The following DPP6 variants were observed in gnomAD, a reference collection of about 807,000 sequenced individuals.
DPP6 encodes the protein A-type potassium channel modulatory protein DPP6.
DPP6 carries 69 observed loss-of-function variants against 122.6 expected under a neutral mutation model. The observed-to-expected ratio is 0.56, with a 90% CI of 0.46 to 0.69. The LOEUF (loss-of-function observed/expected upper bound fraction) is 0.69, where lower values mean the gene tolerates loss of function less well. Ranked by LOEUF, DPP6 falls within the 30% of genes least tolerant of loss-of-function variation. DPP6 has a pLI of 0.00. For missense variants in DPP6, 928 were observed against 1,116.9 expected (o/e 0.83, Z 2.41); for synonymous variants, 418 against 433.1 (o/e 0.97, Z 0.43).
chr7:154,499,490 G>C (rs1474625971), intron 3 of DPP6, among the ~76,000 whole-genome samples: 4 of 152,178 alleles, frequency 2.6e-5, no homozygotes, highest in African/African-American at 9.7e-5. Context: ...TAAGTCTTGA[G>C]ATGGAGCAGC....
intron 1 of DPP6, among the ~76,000 whole-genome samples, chr7:153,894,412 T>C (rs1361281494): frequency 6.6e-6 from 1 of 152,090 alleles, no homozygotes; most frequent in Non-Finnish European, 1.5e-5. Context: ...CATACTAAGC[T>C]CAGAACAGAC....
intron 1 of DPP6, among the ~76,000 whole-genome samples, chr7:154,264,318 G>A (rs1002227311): frequency 6.6e-6 from 1 of 152,230 alleles, no homozygotes; most frequent in African/African-American, 2.4e-5. Flanking sequence ...ATATTTCATG[G>A]TAGGACAGAG....
chr7:154,817,920 G>T (rs1203002896), intron 16 of DPP6, among the ~76,000 whole-genome samples: 2 of 152,122 alleles, frequency 1.3e-5, no homozygotes, highest in Admixed American at 1.3e-4. Context: ...CAGTCATGGG[G>T]GAGCAGGTGG....
At chr7:154,211,029 T>A (rs1799712712) in intron 1 of DPP6, among the ~76,000 whole-genome samples, 1 of 152,176 alleles carries the variant, frequency 6.6e-6, no homozygotes, top group Non-Finnish European at 1.5e-5. Flanking sequence ...GCTAAACTGT[T>A]GCCCAAACTG....
At chr7:154,145,475 G>A (rs1414787695) in intron 1 of DPP6, among the ~76,000 whole-genome samples, 2 of 152,298 alleles carry the variant, frequency 1.3e-5, no homozygotes, top group African/African-American at 4.8e-5. Context: ...CTGTGAGTCC[G>A]TTTAAGCTGA....
intron 1 of DPP6, among the ~76,000 whole-genome samples, chr7:154,028,213 G>T (rs1479826298): frequency 1.3e-5 from 2 of 152,168 alleles, no homozygotes; most frequent in East Asian, 1.9e-4. Flanking sequence ...CTCTCTGATA[G>T]AATTTAATTT....
intron 1 of DPP6, among the ~76,000 whole-genome samples, chr7:154,124,202 A>C (rs1298466778): frequency 6.6e-6 from 1 of 152,214 alleles, no homozygotes; most frequent in Non-Finnish European, 1.5e-5. Flanking sequence ...TGCTATCATC[A>C]TGAAGAAATA....
chr7:153,873,721 G>A, the DPP6 span, among the ~76,000 whole-genome samples: 1 of 152,214 alleles, frequency 6.6e-6, no homozygotes, highest in Non-Finnish European at 1.5e-5. Context: ...ATGGAAGACT[G>A]CTGTTACAGA....
At chr7:153,928,237 A>T (rs1310201553) in intron 1 of DPP6, among the ~76,000 whole-genome samples, 2 of 144,648 alleles carry the variant, frequency 1.4e-5, no homozygotes, top group African/African-American at 5.1e-5. Flanking sequence ...TTTGAGATGG[A>T]GTTTCATGCT....
At chr7:154,251,495 G>A (rs933284941) in intron 1 of DPP6, among the ~76,000 whole-genome samples, 1 of 152,180 alleles carries the variant, frequency 6.6e-6, no homozygotes, top group Admixed American at 6.5e-5. Context: ...ATAAAAGGGA[G>A]TTAATTAAGG....
chr7:154,313,944 T>G (rs1049447784), intron 1 of DPP6, among the ~76,000 whole-genome samples: 5 of 151,480 alleles, frequency 3.3e-5, no homozygotes, highest in African/African-American at 7.3e-5. Flanking sequence ...AAGAAGAGAT[T>G]AACCAATAAG....
At chr7:153,966,687 TTTTAAGGATGTGAGAC>T (rs1420479288) in intron 1 of DPP6, among the ~76,000 whole-genome samples, 6 of 151,914 alleles carry the variant, frequency 3.9e-5, no homozygotes, top group African/African-American at 1.5e-4. Flanking sequence ...TGTGTTGGCT[TTTTAAGGATGTGAGAC>T]TTGTAAAAAC....
At chr7:153,994,626 A>G (rs73729254) in intron 1 of DPP6, among the ~76,000 whole-genome samples, 3,009 of 152,288 alleles carry the variant, frequency 0.02, 105 homozygotes, top group African/African-American at 0.069. Context: ...CATTTCAAGT[A>G]AGTCAGTGAT....
At position 154,363,851 on chromosome 7, in the gene DPP6, T is replaced by C. The variant is rs17174369; in HGVS notation, c.244-82363T>C. 1.1e-3 allele frequency among the ~76,000 whole-genome samples: 165 copies of C among 152,354 alleles called. 1 individual carries two copies. The highest frequency in any genetic ancestry group is 3.8e-3 in the African/African-American group (159 of 41,580). Reference sequence around the variant, plus strand: ...TTTTCATCTGTTACATGTTTTAAACTGTAGCCATCTGTGTCTGAAACATTT... The same window carrying C: ...TTTTCATCTGTTACATGTTTTAAACCGTAGCCATCTGTGTCTGAAACATTT... On this transcript the variant is annotated intron_variant, in intron 1 of 25. Transcript: ENST00000377770.
At chr7:154,044,833 G>A (rs1290410381) in intron 1 of DPP6, among the ~76,000 whole-genome samples, 2 of 152,046 alleles carry the variant, frequency 1.3e-5, no homozygotes, top group Non-Finnish European at 2.9e-5. Flanking sequence ...TTATTGCATT[G>A]AAAAAGCAAT....
At position 154,885,431 on chromosome 7, in the gene DPP6, C is replaced by T. The variant is rs987265626; in HGVS notation, c.2134-202C>T. 3.7e-5 allele frequency: 24 copies of T among 646,800 alleles called. 1 individual carries two copies. The highest frequency in any genetic ancestry group is 2.3e-4 in the South Asian group (11 of 48,424). The allele number at this position is 646,800 out of a possible 1,614,324, so 40.1% of individuals were successfully genotyped here. A position where few individuals can be genotyped will look rare whatever the true frequency, so the allele number is the denominator to read the frequency against. ...AAGGCCCAGAAGCGGAGAAGGCGCA[C>T]GTCGCATAATGCTGAGTTGGAAGGG... On this transcript the variant is annotated intron_variant, in intron 21 of 25. Coordinates refer to ENST00000377770, the MANE Select transcript of DPP6 (RefSeq NM_130797.4).
chr7:154,412,456 A>C (rs988470435), intron 1 of DPP6, among the ~76,000 whole-genome samples: 6 of 152,050 alleles, frequency 3.9e-5, no homozygotes, highest in African/African-American at 1.4e-4. Flanking sequence ...TTCTTTTAAG[A>C]ACAGTGCCCT....
At chr7:154,094,651 G>C (rs1391177596) in intron 1 of DPP6, 2 of 152,150 alleles carry the variant, frequency 1.3e-5, no homozygotes, top group Admixed American at 1.3e-4. Context: ...TATCAGTGTC[G>C]TTCTCTGGGA....
intron 3 of DPP6, among the ~76,000 whole-genome samples, chr7:154,493,272 G>A (rs1006538911): frequency 4.6e-5 from 7 of 152,158 alleles, no homozygotes; most frequent in Admixed American, 1.3e-4. Flanking sequence ...TGAATTATAC[G>A]TTGGATAAGG....
Sources: gnomAD v4.1 joint callset for allele counts (sites outside exome capture counted in the v4.1 genomes callset) on GRCh38, gnomAD v4.1.1 for gene constraint, MANE v1.5 for transcripts, NCBI Gene and HGNC (gene_info 2026-07-23, HGNC 2026-07-21) for gene names.